OPCML: variants seen among roughly 807,000 people sequenced by gnomAD.
The protein encoded by OPCML is opioid binding protein/cell adhesion molecule like.
In OPCML, 13 loss-of-function variants were observed where a neutral mutation model predicts 37.8. The ratio of observed to expected loss-of-function variants is 0.34; its 90% CI spans 0.22 to 0.55. The LOEUF (loss-of-function observed/expected upper bound fraction) is 0.55. OPCML is among the 20% of genes least tolerant of loss of function. OPCML has a pLI of 0.91. For synonymous variants in OPCML, 176 were observed against 168.8 expected (o/e 1.04, Z -0.33); for missense variants, 341 against 435.6 (o/e 0.78, Z 1.93).
At chr11:132,906,528 G>C (rs1166798512) in intron 2 of OPCML, among the ~76,000 whole-genome samples, 1 of 152,042 alleles carries the variant, frequency 6.6e-6, no homozygotes, top group East Asian at 1.9e-4. Context: ...ATATTAACAG[G>C]GGAAATGAAT....
intron 7 of OPCML, among the ~76,000 whole-genome samples, chr11:132,426,591 T>C (rs577726388): frequency 6.6e-6 from 1 of 152,246 alleles, no homozygotes; most frequent in Admixed American, 6.5e-5. Context: ...CACCACCATG[T>C]CTGGCTAATT....
At chr11:133,114,208 C>G (rs1033095322) in intron 1 of OPCML, among the ~76,000 whole-genome samples, 1 of 152,148 alleles carries the variant, frequency 6.6e-6, no homozygotes, top group Admixed American at 6.5e-5. Context: ...CTGAACTGCT[C>G]GCTCTGCTGC....
chr11:133,202,555 T>C (rs1938844189), intron 1 of OPCML, among the ~76,000 whole-genome samples: 1 of 152,214 alleles, frequency 6.6e-6, no homozygotes. Flanking sequence ...AGTCTCGCCC[T>C]CCCTCATTTT....
intron 1 of OPCML, among the ~76,000 whole-genome samples, chr11:133,336,640 C>T (rs562739079): frequency 6.6e-6 from 1 of 152,252 alleles, no homozygotes; most frequent in East Asian, 1.9e-4. Context: ...AAATCAATTT[C>T]CCCCAGCCTC....
chr11:133,186,944 G>A (rs372106064), intron 1 of OPCML, among the ~76,000 whole-genome samples: 57 of 152,234 alleles, frequency 3.7e-4, no homozygotes, highest in Middle Eastern at 3.4e-3. Context: ...TCTGGTTGGC[G>A]TAGGAGGGAG....
intron 1 of OPCML, among the ~76,000 whole-genome samples, chr11:133,491,728 G>A (rs61657317): frequency 0.034 from 5,130 of 152,214 alleles, 121 homozygotes; most frequent in South Asian, 0.11. Flanking sequence ...CCCCTTTTCT[G>A]GCCACAGGTC....
chr11:132,596,524 A>G (rs1049941650), intron 3 of OPCML, among the ~76,000 whole-genome samples: 2 of 152,172 alleles, frequency 1.3e-5, no homozygotes, highest in South Asian at 2.1e-4. Context: ...TTGCATATGC[A>G]TGCACCCCTA....
chr11:132,634,397 A>C (rs1322668483), intron 3 of OPCML, among the ~76,000 whole-genome samples: 2 of 152,240 alleles, frequency 1.3e-5, no homozygotes, highest in Non-Finnish European at 2.9e-5. Flanking sequence ...GTTGGACTAC[A>C]TATGACAGTC....
At chr11:132,729,627 G>T (rs1200170479) in intron 2 of OPCML, among the ~76,000 whole-genome samples, 2 of 152,210 alleles carry the variant, frequency 1.3e-5, no homozygotes, top group Admixed American at 6.5e-5. Flanking sequence ...TGCAGCAATT[G>T]CATCTACTCA....
chr11:132,656,961 C>A, intron 3 of OPCML, 126 bp downstream of exon 3: 2 of 1,466,448 alleles, frequency 1.4e-6, no homozygotes, highest in Admixed American at 2.4e-5. Flanking sequence ...GACATATAGT[C>A]AAACTCTGAA....
chr11:133,487,645 G>A (rs1244009804), intron 1 of OPCML, among the ~76,000 whole-genome samples: 1 of 152,104 alleles, frequency 6.6e-6, no homozygotes, highest in Non-Finnish European at 1.5e-5. Flanking sequence ...TCTAATAACA[G>A]CAGGAACTTT....
chr11:133,195,086 C>G (rs901513739), intron 1 of OPCML, among the ~76,000 whole-genome samples: 1 of 152,136 alleles, frequency 6.6e-6, no homozygotes, highest in Non-Finnish European at 1.5e-5. Flanking sequence ...AGTAAGTTGT[C>G]GGATTCCAGA....
chr11:132,883,185 C>T (rs1943280624), intron 2 of OPCML, among the ~76,000 whole-genome samples: 1 of 151,886 alleles, frequency 6.6e-6, no homozygotes, highest in East Asian at 1.9e-4. Context: ...ACTGGATTAA[C>T]TCAGCCATGA....
At chr11:133,473,803 T>C (rs748214563) in intron 1 of OPCML, among the ~76,000 whole-genome samples, 41 of 152,146 alleles carry the variant, frequency 2.7e-4, no homozygotes, top group Non-Finnish European at 5.1e-4. Context: ...GGTGGAAGGG[T>C]TGGCTTCCCA....
intron 2 of OPCML, among the ~76,000 whole-genome samples, chr11:132,807,465 A>G (rs1187167619): frequency 6.6e-6 from 1 of 152,206 alleles, no homozygotes; most frequent in African/African-American, 2.4e-5. Context: ...TCTATAAAAA[A>G]ATCTGTAAGT....
At chr11:133,266,588 C>T (rs1238854336) in intron 1 of OPCML, among the ~76,000 whole-genome samples, 4 of 152,220 alleles carry the variant, frequency 2.6e-5, no homozygotes, top group Admixed American at 6.5e-5. Context: ...AGTTACTCAT[C>T]GGGACTTAGA....
In OPCML at chr11:133,208,320, A is replaced by T. The variant is rs538251590; in HGVS notation, c.62-265310T>A. ...TGAATGCGGGACAGAAGCCTACACT[A>T]CCGTGTGTTCTACTACATTCAGTAT... On this transcript the variant is annotated intron_variant, in intron 1 of 7. Coordinates refer to ENST00000524381, the MANE Select transcript of OPCML (RefSeq NM_001012393.5). The surrounding 1 kb of genome is among the most constrained non-coding windows in gnomAD (Gnocchi z 8.9). 1.3e-5 allele frequency among the ~76,000 whole-genome samples: 2 copies of T among 152,278 alleles called. No individual in the cohort carries two copies. Among genetic ancestry groups the T allele is most frequent in the South Asian group, 4.2e-4 (2 of 4,816 alleles).
intron 1 of OPCML, chr11:133,007,732 C>T: frequency 1.0e-6 from 1 of 985,264 alleles, no homozygotes; most frequent in Non-Finnish European, 1.2e-6. Context: ...GAAGCAGACC[C>T]AGGCCCACAC....
chr11:133,327,488 A>G (rs1364902192), intron 1 of OPCML, among the ~76,000 whole-genome samples: 1 of 151,986 alleles, frequency 6.6e-6, no homozygotes, highest in South Asian at 2.1e-4. Flanking sequence ...GTAACAGAAA[A>G]AAATCGTGGA....
Sources: allele counts gnomAD v4.1 joint callset (sites outside exome capture counted in the v4.1 genomes callset), GRCh38; gene constraint gnomAD v4.1.1; non-coding constraint Gnocchi (gnomAD v3.1); transcripts MANE v1.5; gene names NCBI Gene and HGNC (gene_info 2026-07-23, HGNC 2026-07-21).